Variants in EEFSEC observed in about 807,000 individuals in gnomAD.
EEFSEC encodes eukaryotic elongation factor, selenocysteine-tRNA specific.
A neutral mutation model predicts 42.1 loss-of-function variants in EEFSEC; 43 were observed. The ratio of observed to expected loss-of-function variants is 1.02; its 90% confidence interval spans 0.80 to 1.32. The LOEUF is 1.32. Ranked by LOEUF, EEFSEC falls within the 40% of genes most tolerant of loss-of-function variation. The pLI is 0.00. For synonymous variants in EEFSEC, 354 were observed against 339.1 expected (o/e 1.04, Z -0.48); for missense variants, 745 against 803.6 (o/e 0.93, Z 0.88).
In EEFSEC at chr3:128,276,157, C is replaced by G. The variant is rs146023602; in HGVS notation, c.786+11376C>G. Among the ~76,000 whole-genome samples, 984 of 152,320 alleles carry G rather than the reference C, an allele frequency of 6.5e-3. 9 individuals are homozygous for G. The highest frequency in any genetic ancestry group is 0.022 in the African/African-American group (923 of 41,576). ...CCTCCTGCACAGGGTGGGAATAAAT[C>G]CTGTAGGCAGCCTCTGCCCTTGACA... On this transcript the variant is annotated intron_variant, in intron 4 of 6. Coordinates refer to ENST00000254730, the MANE Select transcript of EEFSEC (RefSeq NM_021937.5).
At chr3:128,157,288 A>G (rs574257023) in intron 1 of EEFSEC, among the ~76,000 whole-genome samples, 8 of 152,378 alleles carry the variant, frequency 5.3e-5, no homozygotes, top group East Asian at 1.9e-4. Flanking sequence ...GAAAGAGGCC[A>G]TCTCCAGAAC....
intron 6 of EEFSEC, among the ~76,000 whole-genome samples, chr3:128,391,924 T>C (rs1462001372): frequency 6.6e-6 from 1 of 152,182 alleles, no homozygotes. Context: ...GGATGCCCTG[T>C]GGGGGCCATT....
intron 6 of EEFSEC, among the ~76,000 whole-genome samples, chr3:128,376,624 G>T (rs2067713098): frequency 6.6e-6 from 1 of 152,138 alleles, no homozygotes; most frequent in Admixed American, 6.5e-5. Flanking sequence ...ATTGAAAACT[G>T]TTCCTCTCCC....
intron 4 of EEFSEC, among the ~76,000 whole-genome samples, chr3:128,340,138 C>T (rs2067234324): frequency 6.6e-6 from 1 of 152,206 alleles, no homozygotes; most frequent in African/African-American, 2.4e-5. Flanking sequence ...TATTCCCAGA[C>T]TCACCAAGCT....
intron 6 of EEFSEC, among the ~76,000 whole-genome samples, chr3:128,369,872 T>A (rs1194477397): frequency 6.6e-6 from 1 of 152,252 alleles, no homozygotes; most frequent in Non-Finnish European, 1.5e-5. Context: ...GTGCTGCTGC[T>A]GTGCCTGCAC....
chr3:128,284,999 G>C (rs1416457114), intron 4 of EEFSEC, among the ~76,000 whole-genome samples: 1 of 152,028 alleles, frequency 6.6e-6, no homozygotes, highest in Non-Finnish European at 1.5e-5. Flanking sequence ...CCCCTGGCCA[G>C]GTGGGAGTCT....
Position 128,317,438 on chromosome 3 carries a change from C to T in EEFSEC, c.787-23795C>T, listed in dbSNP as rs537529354. Among the ~76,000 whole-genome samples, 1 of 152,354 alleles carries T rather than the reference C, an allele frequency of 6.6e-6. No homozygotes were observed. Among genetic ancestry groups the T allele is most frequent in the South Asian group, 2.1e-4 (1 of 4,832 alleles). ...CTGCATGCCAGGCACACTGTGAGAA[C>T]TGTGGACATGCTCAGGGATCAGCAC... On this transcript the variant is annotated intron_variant, in intron 4 of 6. Coordinates refer to ENST00000254730, the MANE Select transcript of EEFSEC (RefSeq NM_021937.5). The surrounding 1 kb of genome is among the most constrained non-coding windows in gnomAD (Gnocchi z 4.1).
At position 128,180,101 on chromosome 3, in the gene EEFSEC, G is replaced by GT. The variant is rs890380648; in HGVS notation, c.316+26287dup. ...CCCAATTTCCTTCCTCATGTTTTTGGTTTTTTTTTGCCATTTTGTTAACAT... is the reference window on the plus strand; with the variant it reads ...CCCAATTTCCTTCCTCATGTTTTTGGTTTTTTTTTTGCCATTTTGTTAACAT... On this transcript the variant is annotated intron_variant, in intron 1 of 6. Coordinates refer to ENST00000254730, the MANE Select transcript of EEFSEC (RefSeq NM_021937.5). 1.1e-3 allele frequency among the ~76,000 whole-genome samples: 90 copies of GT among 80,286 alleles called. No homozygotes were observed. In the Middle Eastern group the frequency reaches 0.033, roughly 29 times the overall value. 52.7% of individuals were successfully genotyped at this position (80,286 alleles called of 152,430 possible). A position where few individuals can be genotyped will look rare whatever the true frequency, so the allele number is the denominator to read the frequency against.
chr3:128,420,928 G>A, the EEFSEC span, among the ~76,000 whole-genome samples: 18 of 152,276 alleles, frequency 1.2e-4, no homozygotes, highest in African/African-American at 4.3e-4. Flanking sequence ...CACCTGTCCG[G>A]GACCTGCCAT....
intron 6 of EEFSEC, among the ~76,000 whole-genome samples, chr3:128,387,383 GT>G (rs2067853362): frequency 6.6e-6 from 1 of 152,178 alleles, no homozygotes; most frequent in South Asian, 2.1e-4. Flanking sequence ...CTTCTTCAAA[GT>G]TCAGAAATGA....
intron 6 of EEFSEC, among the ~76,000 whole-genome samples, chr3:128,367,145 A>G (rs2067599585): frequency 6.6e-6 from 1 of 152,200 alleles, no homozygotes; most frequent in Admixed American, 6.5e-5. Context: ...TAAAGACCTC[A>G]TTTCATCTTA....
chr3:128,401,808 G>A (rs1237779004), intron 6 of EEFSEC, among the ~76,000 whole-genome samples: 2 of 152,160 alleles, frequency 1.3e-5, no homozygotes, highest in South Asian at 2.1e-4. Flanking sequence ...CCTCCCAGTC[G>A]TTGCCCTTGA....
intron 1 of EEFSEC, among the ~76,000 whole-genome samples, chr3:128,237,046 C>T (rs903613993): frequency 1.3e-5 from 2 of 152,216 alleles, no homozygotes; most frequent in Non-Finnish European, 2.9e-5. Context: ...GTTCAGTAAA[C>T]GTGCTGCGTG....
chr3:128,252,659 T>C (rs1169717864), intron 2 of EEFSEC, among the ~76,000 whole-genome samples: 1 of 152,220 alleles, frequency 6.6e-6, no homozygotes, highest in Non-Finnish European at 1.5e-5. Flanking sequence ...TTATTTATAC[T>C]CTATTTGTTT....
chr3:128,204,468 GC>G (rs780144092), intron 1 of EEFSEC, among the ~76,000 whole-genome samples: 26 of 152,084 alleles, frequency 1.7e-4, no homozygotes, highest in Non-Finnish European at 3.2e-4. Flanking sequence ...GTTTTAGCTT[GC>G]CGTAAGATTA....
At chr3:128,211,218 T>C (rs1395939801) in intron 1 of EEFSEC, among the ~76,000 whole-genome samples, 1 of 152,238 alleles carries the variant, frequency 6.6e-6, no homozygotes, top group Non-Finnish European at 1.5e-5. Flanking sequence ...GTTAACCTCC[T>C]CTCACCTCTA....
chr3:128,241,502 C>T (rs568045195), intron 1 of EEFSEC, among the ~76,000 whole-genome samples: 4 of 152,132 alleles, frequency 2.6e-5, no homozygotes, highest in East Asian at 1.9e-4. Flanking sequence ...TGTGCCACCA[C>T]GCTGAACCAA....
At chr3:128,301,165 C>G (rs576498426) in intron 4 of EEFSEC, among the ~76,000 whole-genome samples, 152 of 152,228 alleles carry the variant, frequency 1.0e-3, no homozygotes, top group Non-Finnish European at 1.8e-3. Context: ...GGGGGTCATG[C>G]TTTAAAGGGG....
chr3:128,336,397 C>T (rs2108067265), intron 4 of EEFSEC, among the ~76,000 whole-genome samples: 1 of 152,300 alleles, frequency 6.6e-6, no homozygotes, highest in Middle Eastern at 3.4e-3. Context: ...AGCCAGTTTG[C>T]ATCTTTTAAA....
Sources: gnomAD v4.1 joint callset for allele counts (sites outside exome capture counted in the v4.1 genomes callset) on GRCh38, gnomAD v4.1.1 for gene constraint, Gnocchi (gnomAD v3.1) non-coding constraint, MANE v1.5 for transcripts, NCBI Gene and HGNC (gene_info 2026-07-23, HGNC 2026-07-21) for gene names.